The following ERC2 variants were observed in gnomAD, a reference collection of about 807,000 sequenced individuals.
The protein encoded by ERC2 is ELKS/RAB6-interacting/CAST family member 2.
In ERC2, 42 loss-of-function variants were observed where a neutral mutation model predicts 114.8. That is an observed-to-expected ratio of 0.37 (90% confidence interval 0.29 to 0.47). The LOEUF (loss-of-function observed/expected upper bound fraction) is 0.47, where lower values mean the gene tolerates loss of function less well. Among genes scored for constraint, ERC2 ranks in the 20% least tolerant of loss-of-function variants. ERC2 has a pLI of 0.99. For missense variants in ERC2, 939 were observed against 1,150.7 expected (o/e 0.82, Z 2.66); for synonymous variants, 454 against 425.5 (o/e 1.07, Z -0.82).
intron 15 of ERC2, among the ~76,000 whole-genome samples, chr3:55,703,211 G>A (rs1283031421): frequency 6.6e-6 from 1 of 152,086 alleles, no homozygotes; most frequent in Non-Finnish European, 1.5e-5. Context: ...AAGTTCTTGG[G>A]AGGCTCCCGC....
intron 13 of ERC2, among the ~76,000 whole-genome samples, chr3:55,914,472 A>T (rs945941539): frequency 9.2e-5 from 14 of 152,220 alleles, no homozygotes; most frequent in Non-Finnish European, 2.1e-4. Context: ...GAATACTGCC[A>T]GCTTTTCACT....
chr3:55,614,985 T>C (rs1403979524), intron 17 of ERC2, among the ~76,000 whole-genome samples: 1 of 152,288 alleles, frequency 6.6e-6, no homozygotes, highest in Non-Finnish European at 1.5e-5. Context: ...TCACACCCAA[T>C]GATAGGAACC....
chr3:56,384,420 T>C (rs960144940), intron 2 of ERC2, among the ~76,000 whole-genome samples: 1 of 152,180 alleles, frequency 6.6e-6, no homozygotes, highest in African/African-American at 2.4e-5. Flanking sequence ...TATCTTACTA[T>C]GGTTTTGATT....
At chr3:56,294,700 T>C (rs922956692) in intron 3 of ERC2, among the ~76,000 whole-genome samples, 5 of 152,248 alleles carry the variant, frequency 3.3e-5, no homozygotes, top group African/African-American at 4.8e-5. Context: ...GAGCAAGTTA[T>C]GAGGATCAAC....
chr3:56,427,505 G>C (rs936667732), intron 2 of ERC2, among the ~76,000 whole-genome samples: 2 of 152,166 alleles, frequency 1.3e-5, no homozygotes, highest in African/African-American at 4.8e-5. Context: ...GGGTCGAATT[G>C]TGTATCCCTA....
intron 15 of ERC2, among the ~76,000 whole-genome samples, chr3:55,709,454 T>C (rs1332968058): frequency 1.3e-5 from 2 of 152,114 alleles, no homozygotes; most frequent in African/African-American, 4.8e-5. Flanking sequence ...ATCCTCAAAA[T>C]GTCTGAAGCT....
chr3:55,846,993 A>C (rs6792650), intron 14 of ERC2, among the ~76,000 whole-genome samples: 10,381 of 152,280 alleles, frequency 0.068, 434 homozygotes, highest in South Asian at 0.18. Context: ...TGGAAACCAG[A>C]AACCATGAAG....
chr3:55,649,655 C>G (rs549207104), intron 17 of ERC2, among the ~76,000 whole-genome samples: 1 of 152,276 alleles, frequency 6.6e-6, no homozygotes, highest in Admixed American at 6.5e-5. Context: ...GAGACTCTCT[C>G]GAGGCCACAC....
At chr3:55,696,161 T>C (rs2148816165) in intron 16 of ERC2, among the ~76,000 whole-genome samples, 1 of 152,344 alleles carries the variant, frequency 6.6e-6, no homozygotes. Context: ...AAAAAGAATA[T>C]AATTCTGTAA....
chr3:56,370,520 C>A (rs1016230585), intron 2 of ERC2, among the ~76,000 whole-genome samples: 1 of 151,638 alleles, frequency 6.6e-6, no homozygotes, highest in Non-Finnish European at 1.5e-5. Context: ...GTTCTCTTGG[C>A]CTTGGTTAAA....
At chr3:56,076,411 T>C (rs536200117) in intron 7 of ERC2, among the ~76,000 whole-genome samples, 2 of 147,658 alleles carry the variant, frequency 1.4e-5, no homozygotes, top group African/African-American at 5.1e-5. Context: ...ACTTTCCAAA[T>C]GTACAATGTC....
At chr3:56,296,541 C>A (rs758034797) in intron 2 of ERC2, 106 bp from the exon 3 acceptor site, 2 of 1,257,516 alleles carry the variant, frequency 1.6e-6, no homozygotes, top group Non-Finnish European at 2.2e-6. Context: ...GAATGTTAAT[C>A]ATGAGGTCCG....
At chr3:55,694,727 T>C (rs982529896) in intron 16 of ERC2, among the ~76,000 whole-genome samples, 1 of 152,150 alleles carries the variant, frequency 6.6e-6, no homozygotes, top group African/African-American at 2.4e-5. Context: ...CCTTCCCAAC[T>C]AGAATCAGAG....
intron 3 of ERC2, among the ~76,000 whole-genome samples, chr3:56,212,772 A>C (rs955079465): frequency 3.4e-5 from 5 of 148,212 alleles, no homozygotes; most frequent in Non-Finnish European, 4.5e-5. Flanking sequence ...GTGCACCAAA[A>C]TATGGTATAT....
chr3:55,596,598 TA>T lies in ERC2; in HGVS notation c.*40-85323del, dbSNP rs548217211. Among the ~76,000 whole-genome samples, 16 of 152,156 alleles carry T rather than the reference TA, an allele frequency of 1.1e-4. No homozygotes were observed. In the East Asian group the frequency reaches 3.1e-3, roughly 29 times the overall value. On this transcript the variant is annotated intron_variant, in intron 17 of 17. Coordinates refer to ENST00000288221, the MANE Select transcript of ERC2 (RefSeq NM_015576.3). ...GTCTCTGAAAATAAAATAAAGTCAG[TA>T]AAAAAATTAAATCTAGTTTTATGTT... is the stretch of plus-strand genomic sequence containing the variant.
intron 14 of ERC2, among the ~76,000 whole-genome samples, chr3:55,831,891 C>G (rs1235539848): frequency 6.6e-6 from 1 of 152,206 alleles, no homozygotes; most frequent in East Asian, 1.9e-4. Context: ...AAAATCGGGT[C>G]ACTCCCACCC....
intron 4 of ERC2, 32 bp from the exon 5 acceptor site, chr3:56,149,164 T>G (rs747941896): frequency 2.9e-5 from 44 of 1,520,228 alleles, no homozygotes; most frequent in Admixed American, 6.7e-5. Flanking sequence ...AAAAGAAAAA[T>G]AAAGAATAAA....
At chr3:56,364,288 T>G (rs2059071350) in intron 2 of ERC2, among the ~76,000 whole-genome samples, 1 of 152,184 alleles carries the variant, frequency 6.6e-6, no homozygotes, top group Non-Finnish European at 1.5e-5. Flanking sequence ...CCGTATGCGG[T>G]GATAACAAAG....
intron 3 of ERC2, among the ~76,000 whole-genome samples, chr3:56,181,921 T>C (rs1042008636): frequency 6.6e-6 from 1 of 152,166 alleles, no homozygotes; most frequent in Non-Finnish European, 1.5e-5. Context: ...TCCAGTCCCA[T>C]TCAAGCCTTC....
Sources: gnomAD v4.1 joint callset for allele counts (sites outside exome capture counted in the v4.1 genomes callset) on GRCh38, gnomAD v4.1.1 for gene constraint, MANE v1.5 for transcripts, NCBI Gene and HGNC (gene_info 2026-07-23, HGNC 2026-07-21) for gene names.